RFPL4A: variants seen among roughly 807,000 people sequenced by gnomAD.
The protein encoded by RFPL4A is ret finger protein-like 4A.
Under a neutral mutation model 8.3 loss-of-function variants are expected in RFPL4A, and 4 were observed. The ratio of observed to expected loss-of-function variants is 0.48; its 90% CI spans 0.24 to 1.10. The LOEUF is 1.10. Ranked by LOEUF, RFPL4A falls within the 50% of genes least tolerant of loss-of-function variation. The probability of loss-of-function intolerance (pLI) is 0.18; values close to 1 mark genes in which losing one functional copy is unlikely to be tolerated. For missense variants in RFPL4A, 111 were observed against 358.7 expected, an observed-to-expected ratio of 0.31 and a Z score of 5.58; for synonymous variants, 43 against 136.6, an observed-to-expected ratio of 0.31 and a Z score of 4.78.
At chr19:55,759,322 C>G (rs1354199094) in intron 1 of RFPL4A, 147 bp downstream of exon 1, 2 of 152,102 alleles carry the variant, frequency 1.3e-5, no homozygotes, top group East Asian at 1.9e-4. Flanking sequence ...GACCTCTTCC[C>G]TGGTAACAGT....
chr19:55,758,526 G>A (rs1841952), upstream of RFPL4A, among the ~76,000 whole-genome samples: 1 of 142,666 alleles, frequency 7.0e-6, no homozygotes, highest in Non-Finnish European at 1.6e-5. Context: ...TAACAGTAAC[G>A]TTTAACTTTC....
intron 1 of RFPL4A, among the ~76,000 whole-genome samples, chr19:55,761,554 A>T (rs1356924428): frequency 6.9e-6 from 1 of 144,114 alleles, no homozygotes; most frequent in African/African-American, 2.7e-5. Context: ...TTACTATTTC[A>T]ACTCAAAGTC....
chr19:55,757,450 G>T (rs890028922), upstream of RFPL4A, among the ~76,000 whole-genome samples: 1 of 152,152 alleles, frequency 6.6e-6, no homozygotes, highest in Non-Finnish European at 1.5e-5. Flanking sequence ...AACCATTTAC[G>T]TCAGCTTCTG....
intron 1 of RFPL4A, among the ~76,000 whole-genome samples, chr19:55,759,849 G>A (rs899108659): frequency 6.6e-6 from 1 of 151,446 alleles, no homozygotes; most frequent in Non-Finnish European, 1.5e-5. Flanking sequence ...TTCCCATCAT[G>A]CCCTCGGCCT....
upstream of RFPL4A, among the ~76,000 whole-genome samples, chr19:55,758,780 A>G: frequency 6.6e-6 from 1 of 151,182 alleles, no homozygotes. Flanking sequence ...AACTCTTTGA[A>G]AGTCGCACCG....
Position 55,761,985 on chromosome 19 carries a change from A to C in RFPL4A, c.185A>C (p.Lys62Thr). The C allele has an allele frequency of 6.6e-7, 1 of 1,514,782 alleles. No individual in the cohort carries two copies. The highest frequency in any genetic ancestry group is 8.9e-7 in the Non-Finnish European group (1 of 1,119,404). The allele number at this position is 1,514,782 out of a possible 1,614,324, so 93.8% of individuals were successfully genotyped here. The change falls in exon 2 of 3, where the codon AAG becomes ACG. Residue 62 changes from lysine (K) to threonine (T), a missense_variant. By Grantham distance (78) the Lys-to-Thr change is moderately conservative. Transcript: ENST00000434937. Reference sequence around the variant, plus strand: ...GTGGTCTCTCAGAAGGATGACATCAAGCCCAAGTACAAGCTGAGGGCGCTG... The same window carrying C: ...GTGGTCTCTCAGAAGGATGACATCACGCCCAAGTACAAGCTGAGGGCGCTG... ...CSVVSQKDDIKPKYKLRALVS... is the reference protein window; with the variant it reads ...CSVVSQKDDITPKYKLRALVS...
At chr19:55,758,368 T>G (rs1335242974), upstream of RFPL4A, among the ~76,000 whole-genome samples, 3 of 152,390 alleles carry the variant, frequency 2.0e-5, no homozygotes, top group East Asian at 5.8e-4. Flanking sequence ...CTTTCCCACC[T>G]GACCTCCAGT....
chr19:55,760,809 C>T (rs1277509397), intron 1 of RFPL4A, among the ~76,000 whole-genome samples: 1 of 151,522 alleles, frequency 6.6e-6, no homozygotes, highest in African/African-American at 2.4e-5. Context: ...TGGATACGTT[C>T]TCGATTCTCT....
chr19:55,760,730 T>C (rs1282968142), intron 1 of RFPL4A, among the ~76,000 whole-genome samples: 1 of 151,634 alleles, frequency 6.6e-6, no homozygotes, highest in African/African-American at 2.4e-5. Flanking sequence ...TTCCTCCTTG[T>C]CCTTGTAATT....
chr19:55,762,022 C>A lies in RFPL4A; in HGVS notation c.222C>A (p.Ile74=). 1 of 1,505,926 alleles carries A rather than the reference C, an allele frequency of 6.6e-7. No individual in the cohort carries two copies. The highest frequency in any genetic ancestry group is 2.4e-5 in the East Asian group (1 of 41,192). The allele number at this position is 1,505,926 out of a possible 1,614,324, so 93.3% of individuals were successfully genotyped here. Residue 74 remains isoleucine (I), a synonymous_variant, in exon 2 of 3, where the codon ATC becomes ATA. Transcript: ENST00000434937. ...KYKLRALVSI[I]KELEPKLKSV... ...AGCTGAGGGCGCTGGTTTCCATCAT[C>A]AAGGAACTAGAGCCCAAGCTGAAAT...
At chr19:55,760,534 A>G (rs1189411893) in intron 1 of RFPL4A, among the ~76,000 whole-genome samples, 1 of 151,584 alleles carries the variant, frequency 6.6e-6, no homozygotes, top group African/African-American at 2.4e-5. Flanking sequence ...TAGGTTTTCT[A>G]GGAAAAAGCA....
At chr19:55,760,910 T>C (rs886522709) in intron 1 of RFPL4A, among the ~76,000 whole-genome samples, 2 of 151,276 alleles carry the variant, frequency 1.3e-5, no homozygotes, top group African/African-American at 2.4e-5. Context: ...TGCTGGTCGT[T>C]GGTGTGTGCT....
At chr19:55,760,952 C>T (rs1238891432) in intron 1 of RFPL4A, among the ~76,000 whole-genome samples, 4 of 150,318 alleles carry the variant, frequency 2.7e-5, no homozygotes, top group Admixed American at 6.6e-5. Flanking sequence ...GGATTCTGCC[C>T]ATTGGAATTT....
At chr19:55,761,045 A>G (rs1419524510) in intron 1 of RFPL4A, among the ~76,000 whole-genome samples, 2 of 136,180 alleles carry the variant, frequency 1.5e-5, no homozygotes, top group Admixed American at 7.2e-5. Context: ...ATTGTCATAT[A>G]TATGGCTGCT....
In RFPL4A at chr19:55,760,018, G is replaced by A. The variant is rs575159791; in HGVS notation, c.-10+843G>A. On this transcript the variant is annotated intron_variant, in intron 1 of 2. Transcript: ENST00000434937. ...CTGCAGAGAACCTAAGAGTGCAGATGTCTCTTTGACATGCTGACTTCTTTC... is the reference window on the plus strand; with the variant it reads ...CTGCAGAGAACCTAAGAGTGCAGATATCTCTTTGACATGCTGACTTCTTTC... Among the ~76,000 whole-genome samples, 398 of 151,706 alleles carry A rather than the reference G, an allele frequency of 2.6e-3. 1 individual carries two copies. Among genetic ancestry groups the A allele is most frequent in the African/African-American group, 9.0e-3 (371 of 41,288 alleles).
intron 2 of RFPL4A, among the ~76,000 whole-genome samples, chr19:55,762,385 A>T (rs1459617802): frequency 2.0e-5 from 3 of 151,372 alleles, no homozygotes; most frequent in Non-Finnish European, 4.4e-5. Flanking sequence ...AATATGAATA[A>T]GGTGGACTTG....
chr19:55,757,708 G>A (rs1989198367), upstream of RFPL4A, among the ~76,000 whole-genome samples: 1 of 152,092 alleles, frequency 6.6e-6, no homozygotes, highest in Admixed American at 6.5e-5. Context: ...GCAATCCTAA[G>A]ACGCTATTCT....
At chr19:55,762,122 A>G (rs918100969) in intron 2 of RFPL4A, 36 bp downstream of exon 2, 1 of 1,533,856 alleles carries the variant, frequency 6.5e-7, no homozygotes, top group Non-Finnish European at 8.8e-7. Context: ...AACCCATAAA[A>G]GGCACTGGGA....
chr19:55,760,562 G>A (rs1172335917), intron 1 of RFPL4A, among the ~76,000 whole-genome samples: 5 of 151,632 alleles, frequency 3.3e-5, no homozygotes, highest in Non-Finnish European at 5.9e-5. Context: ...TTTAGAATTG[G>A]TGAGGTACCC....
Sources: gnomAD v4.1 joint callset for allele counts (sites outside exome capture counted in the v4.1 genomes callset) on GRCh38, gnomAD v4.1.1 for gene constraint, MANE v1.5 for transcripts, NCBI Gene and HGNC (gene_info 2026-07-23, HGNC 2026-07-21) for gene names.